LGALS8: variants seen among roughly 807,000 people sequenced by gnomAD.
The protein encoded by LGALS8 is galectin 8.
A neutral mutation model predicts 35.9 loss-of-function variants in LGALS8; 30 were observed. The observed-to-expected ratio is 0.83, with a 90% CI of 0.62 to 1.13. The LOEUF (loss-of-function observed/expected upper bound fraction) is 1.13. LGALS8 is among the 50% of genes most tolerant of loss of function. LGALS8 has a pLI of 0.00. For missense variants in LGALS8, 366 were observed against 388.7 expected (o/e 0.94, Z 0.49); for synonymous variants, 138 against 136.1 (o/e 1.01, Z -0.10).
chr1:236,547,965 T>C (rs1662499222), intron 9 of LGALS8, 47 bp from the exon 10 acceptor site: 3 of 1,558,580 alleles, frequency 1.9e-6, no homozygotes, highest in Non-Finnish European at 2.6e-6. Context: ...AAACACAAAA[T>C]TTTAAACTAA....
In LGALS8 at chr1:236,549,566, T is replaced by TTAA. The variant is rs1662619325; in HGVS notation, c.*1407_*1409dup. ...TACTCAGTGTAGAAATCGCTAGCCC[T>TTAA]TAATTCTTTTCCAGCTTTTCATATT... On this transcript the variant is annotated 3_prime_UTR_variant, in exon 10 of 10. Coordinates refer to ENST00000366584, the MANE Select transcript of LGALS8 (RefSeq NM_201544.4). 6.6e-6 allele frequency: 1 copy of TTAA among 152,152 alleles called. No homozygotes were observed. The highest frequency in any genetic ancestry group is 1.5e-5 in the Non-Finnish European group (1 of 68,028). 9.4% of individuals were successfully genotyped at this position (152,152 alleles called of 1,614,324 possible).
intron 5 of LGALS8, chr1:236,541,444 C>T: frequency 2.3e-6 from 1 of 443,936 alleles, no homozygotes; most frequent in East Asian, 4.1e-5. Context: ...GCCATGCTCC[C>T]ACCTTCTTGC....
chr1:236,538,101 A>AAAAAAAAAAAAAAAAAGG (rs371245157), intron 3 of LGALS8, among the ~76,000 whole-genome samples: 1 of 96,052 alleles, frequency 1.0e-5, no homozygotes, highest in Non-Finnish European at 2.3e-5. Flanking sequence ...AAAAAAAAGA[A>AAAAAAAAAAAAAAAAAGG]AAAGAAAAAG....
chr1:236,551,813 C>A lies in LGALS8; in HGVS notation c.*3652C>A. On this transcript the variant is annotated 3_prime_UTR_variant, in exon 10 of 10. Transcript: ENST00000366584. ...GAGGTGGTCACTTCGCAACTTGCTC[C>A]CTCCACCCAACTCAAAACAGGAGCT... 1.8e-6 allele frequency: 1 copy of A among 551,958 alleles called. No homozygotes were observed. The highest frequency in any genetic ancestry group is 3.2e-6 in the Non-Finnish European group (1 of 310,542). The allele number at this position is 551,958 out of a possible 1,614,324, so 34.2% of individuals were successfully genotyped here.
At position 236,539,018 on chromosome 1, in the gene LGALS8, A is replaced by G. The variant is rs1219573084; in HGVS notation, c.274A>G (p.Thr92Ala). 6.2e-7 allele frequency: 1 copy of G among 1,614,162 alleles called. No individual in the cohort carries two copies. Among genetic ancestry groups the G allele is most frequent in the African/African-American group, 1.3e-5 (1 of 75,042 alleles). Reference sequence around the variant, plus strand: ...TGAAAAATGGGGACGGGAAGAGATCACCTATGACACGCCTTTCAAAAGAGA... The same window carrying G: ...TGAAAAATGGGGACGGGAAGAGATCGCCTATGACACGCCTTTCAAAAGAGA... The part of the protein sequence containing the change: ...INEKWGREEI[T>A]YDTPFKREKS... Residue 92 changes from threonine to alanine, a missense_variant, in exon 4 of 10, where the codon ACC becomes GCC. Thr to Ala is a moderately conservative substitution (Grantham distance 58, BLOSUM62 0). Transcript: ENST00000366584.
intron 2 of LGALS8, among the ~76,000 whole-genome samples, chr1:236,529,548 C>T (rs1452893263): frequency 2.7e-5 from 4 of 145,920 alleles, no homozygotes; most frequent in African/African-American, 1.0e-4. Context: ...CACAACTGCA[C>T]TGCATCCTGG....
chr1:236,546,619 CCTT>C lies in LGALS8; in HGVS notation c.805-1389_805-1387del, dbSNP rs903284780. 3.9e-4 allele frequency among the ~76,000 whole-genome samples: 59 copies of C among 152,318 alleles called. 1 individual carries two copies. Among genetic ancestry groups the C allele is most frequent in the Non-Finnish European group, 5.9e-5 (4 of 68,028 alleles). On this transcript the variant is annotated intron_variant, in intron 9 of 9. Coordinates refer to ENST00000366584, the MANE Select transcript of LGALS8 (RefSeq NM_201544.4). ...TGTTTTCTTCTAGGCAAAGGATGTG[CCTT>C]CTTTTCATTTGCAGTAGTCTGCTCA...
intron 1 of LGALS8, chr1:236,518,322 G>C (rs1660456415): frequency 6.6e-6 from 1 of 152,060 alleles, no homozygotes; most frequent in Admixed American, 6.5e-5. Context: ...GGTCTGGAGG[G>C]TGAAAAAAAA....
rs55866014 is a variant in LGALS8 at position 236,550,992 on chromosome 1, T to TAAAA, written c.*2846_*2849dup. ...GATGTTCTACTTCTTCACATTCATC[T>TAAAA]AAAAAAAAAAAAAAAAAATCAAAAT... On this transcript the variant is annotated 3_prime_UTR_variant, in exon 10 of 10. Transcript: ENST00000366584. The TAAAA allele has an allele frequency of 6.8e-4, 856 of 1,254,344 alleles. No homozygotes were observed. The highest frequency in any genetic ancestry group is 7.9e-4 in the Non-Finnish European group (738 of 933,506). 77.7% of individuals were successfully genotyped at this position (1,254,344 alleles called of 1,614,324 possible). A position where few individuals can be genotyped will look rare whatever the true frequency, so the allele number is the denominator to read the frequency against.
Position 236,551,177 on chromosome 1 carries a change from A to G in LGALS8, c.*3016A>G. ...CCTCCACACCGCTCCTTCCGCCTTC[A>G]TTCCTTGCCCACAGGCTTGCACTGG... On this transcript the variant is annotated 3_prime_UTR_variant, in exon 10 of 10. Coordinates refer to ENST00000366584, the MANE Select transcript of LGALS8 (RefSeq NM_201544.4). The G allele has an allele frequency of 1.8e-6, 1 of 550,332 alleles. No homozygotes were observed. Among genetic ancestry groups the G allele is most frequent in the Non-Finnish European group, 3.2e-6 (1 of 315,176 alleles). 34.1% of individuals were successfully genotyped at this position (550,332 alleles called of 1,614,324 possible). A position where few individuals can be genotyped will look rare whatever the true frequency, so the allele number is the denominator to read the frequency against.
intron 2 of LGALS8, among the ~76,000 whole-genome samples, chr1:236,531,469 G>T (rs983134987): frequency 6.6e-6 from 1 of 152,014 alleles, no homozygotes; most frequent in Non-Finnish European, 1.5e-5. Flanking sequence ...GACTACAGGC[G>T]CCCGCCACCC....
chr1:236,543,073 A>G, intron 7 of LGALS8: 1 of 1,591,032 alleles, frequency 6.3e-7, no homozygotes, highest in Non-Finnish European at 8.6e-7. Flanking sequence ...TTAACTCTAT[A>G]TAAAAATTAA....
chr1:236,544,507 C>T (rs1327242613), intron 8 of LGALS8, among the ~76,000 whole-genome samples: 3 of 149,644 alleles, frequency 2.0e-5, no homozygotes, highest in Non-Finnish European at 4.5e-5. Context: ...AACCACATCT[C>T]AGCCTCAACG....
rs763976797 is a variant in LGALS8 at position 236,543,598 on chromosome 1, C to T, written c.588C>T (p.Gly196=). Residue 196 remains glycine, a synonymous_variant, in exon 8 of 10, where the codon GGC becomes GGT. Coordinates refer to ENST00000366584, the MANE Select transcript of LGALS8 (RefSeq NM_201544.4). The part of the protein sequence containing the change: ...PFAARLNTPM[G]PGRTVVVKGE... ...CTGCAAGGTTGAACACCCCCATGGG[C>T]CCTGGACGAACTGTCGTCGTTAAAG... is the stretch of plus-strand genomic sequence containing the variant. 2 of 1,614,032 alleles carry T rather than the reference C, an allele frequency of 1.2e-6. No individual in the cohort carries two copies.
upstream of LGALS8, among the ~76,000 whole-genome samples, chr1:236,519,958 T>C (rs955647176): frequency 6.7e-6 from 1 of 148,304 alleles, no homozygotes; most frequent in Admixed American, 6.7e-5. Flanking sequence ...ATTTTTTTTT[T>C]TTTTTTTTTT....
chr1:236,540,945 A>T (rs1661950096), intron 5 of LGALS8, among the ~76,000 whole-genome samples: 1 of 152,190 alleles, frequency 6.6e-6, no homozygotes, highest in African/African-American at 2.4e-5. Flanking sequence ...TTTCCTTTGC[A>T]TGGGCATAAA....
In LGALS8 at chr1:236,540,630, C is replaced by A; in HGVS notation, c.412C>A (p.Leu138Met). 1 of 1,611,520 alleles carries A rather than the reference C, an allele frequency of 6.2e-7. No individual in the cohort carries two copies. Among genetic ancestry groups the A allele is most frequent in the Non-Finnish European group, 8.5e-7 (1 of 1,178,962 alleles). The change falls in exon 5 of 10, where the codon CTG becomes ATG. Residue 138 changes from leucine (L) to methionine (M), a missense_variant. Transcript: ENST00000366584. ...GATCGGCCCAGAGAAAATAGACACT[C>A]TGGGCATTTATGGCAAAGTGAATAT... ...HRIGPEKIDT[L>M]GIYGKVNIHS...
Position 236,541,724 on chromosome 1 carries a change from C to T in LGALS8, c.522+14C>T. Reference sequence around the variant, plus strand: ...AGTAGAGAAAATGTAAATATTAAATCTTTTAATGAGCCACTGGTTTAAAAA... The same window carrying T: ...AGTAGAGAAAATGTAAATATTAAATTTTTTAATGAGCCACTGGTTTAAAAA... On this transcript the variant is annotated intron_variant, in intron 6 of 9. Transcript: ENST00000366584. 1.5e-6 allele frequency: 2 copies of T among 1,359,356 alleles called. No individual in the cohort carries two copies. Among genetic ancestry groups the T allele is most frequent in the African/African-American group, 1.5e-5 (1 of 67,698 alleles). The allele number at this position is 1,359,356 out of a possible 1,614,324, so 84.2% of individuals were successfully genotyped here.
At chr1:236,540,510 A>G in intron 4 of LGALS8, 54 bp from the exon 5 acceptor site, 1 of 1,465,788 alleles carries the variant, frequency 6.8e-7, no homozygotes, top group Non-Finnish European at 9.0e-7. Flanking sequence ...AAGTTAATTT[A>G]TTAACTGTTT....
Sources: gnomAD v4.1 joint callset for allele counts (sites outside exome capture counted in the v4.1 genomes callset) on GRCh38, gnomAD v4.1.1 for gene constraint, MANE v1.5 for transcripts, NCBI Gene and HGNC (gene_info 2026-07-23, HGNC 2026-07-21) for gene names.